HDAC9: variants seen among roughly 807,000 people sequenced by gnomAD.
HDAC9 encodes the protein MEF-2 interacting transcription repressor (MITR) protein.
Under a neutral mutation model 139.4 loss-of-function variants are expected in HDAC9, and 41 were observed. That is an observed-to-expected ratio of 0.29 (90% confidence interval 0.23 to 0.38). The LOEUF is 0.38. Among genes scored for constraint, HDAC9 ranks in the 10% least tolerant of loss-of-function variants. HDAC9 has a pLI of 1.00. For synonymous variants in HDAC9, 517 were observed against 476.2 expected, an observed-to-expected ratio of 1.09 and a Z score of -1.12; for missense variants, 1,147 against 1,297.0, an observed-to-expected ratio of 0.88 and a Z score of 1.78.
intron 21 of HDAC9, among the ~76,000 whole-genome samples, chr7:18,857,076 A>C (rs1238322208): frequency 6.6e-6 from 1 of 152,056 alleles, no homozygotes; most frequent in Non-Finnish European, 1.5e-5. Flanking sequence ...GTCATGTTTC[A>C]ACTTCATTTA....
chr7:18,905,940 CCT>C (rs1216285075), intron 22 of HDAC9, among the ~76,000 whole-genome samples: 2 of 144,660 alleles, frequency 1.4e-5, no homozygotes, highest in African/African-American at 2.6e-5. Flanking sequence ...TTTTCTTTCT[CCT>C]CTTTCTTTCC....
chr7:18,714,357 A>T (rs1784554405), intron 12 of HDAC9, among the ~76,000 whole-genome samples: 1 of 152,196 alleles, frequency 6.6e-6, no homozygotes, highest in African/African-American at 2.4e-5. Context: ...CTCAGGCCCA[A>T]ACTCCTGGAA....
chr7:18,976,342 A>G (rs1344550566), intron 25 of HDAC9, among the ~76,000 whole-genome samples: 1 of 152,142 alleles, frequency 6.6e-6, no homozygotes, highest in Admixed American at 6.5e-5. Flanking sequence ...GAAATTGCTG[A>G]TATAACAAAG....
intron 22 of HDAC9, among the ~76,000 whole-genome samples, chr7:18,905,529 TA>T (rs1563043603): frequency 6.6e-6 from 1 of 152,246 alleles, no homozygotes; most frequent in Admixed American, 6.5e-5. Context: ...TTAATAACTT[TA>T]TGTTAAAGAT....
chr7:18,107,620 C>T (rs560967523), intron 1 of HDAC9, among the ~76,000 whole-genome samples: 3 of 152,190 alleles, frequency 2.0e-5, no homozygotes, highest in Admixed American at 2.0e-4. Flanking sequence ...TTTTCTCAAC[C>T]TATACACCTG....
At chr7:18,573,155 T>C (rs933489559) in intron 2 of HDAC9, among the ~76,000 whole-genome samples, 1 of 152,236 alleles carries the variant, frequency 6.6e-6, no homozygotes, top group African/African-American at 2.4e-5. Context: ...TTCCTTTTCA[T>C]TTATGCCATG....
At chr7:18,237,676 AATG>A (rs1447171744) in intron 2 of HDAC9, among the ~76,000 whole-genome samples, 1 of 152,222 alleles carries the variant, frequency 6.6e-6, no homozygotes, top group Non-Finnish European at 1.5e-5. Context: ...TAATTGAGAG[AATG>A]ATGACATTAT....
chr7:18,454,435 G>A (rs1429930630), intron 1 of HDAC9, among the ~76,000 whole-genome samples: 1 of 151,934 alleles, frequency 6.6e-6, no homozygotes, highest in Non-Finnish European at 1.5e-5. Context: ...TCCTATGTAA[G>A]GCTACTGTGG....
chr7:18,221,070 C>T (rs1197957644), intron 2 of HDAC9, among the ~76,000 whole-genome samples: 5 of 150,974 alleles, frequency 3.3e-5, no homozygotes, highest in Non-Finnish European at 5.9e-5. Flanking sequence ...TATAATTCCA[C>T]AGTGACAATT....
intron 1 of HDAC9, among the ~76,000 whole-genome samples, chr7:18,406,775 A>G (rs1788050642): frequency 6.6e-6 from 1 of 152,036 alleles, no homozygotes; most frequent in Admixed American, 6.6e-5. Context: ...TGTATGAAAC[A>G]TCTCTCTTAT....
chr7:18,359,873 T>G (rs1783640131), intron 1 of HDAC9, among the ~76,000 whole-genome samples: 1 of 152,160 alleles, frequency 6.6e-6, no homozygotes. Context: ...CCTCCCAAAG[T>G]GCTGAGAATA....
At chr7:18,784,930 A>G (rs886887178) in intron 16 of HDAC9, among the ~76,000 whole-genome samples, 4 of 140,406 alleles carry the variant, frequency 2.8e-5, no homozygotes, top group Non-Finnish European at 3.1e-5. Context: ...GGCTTTTAAT[A>G]GGTAGCAATT....
intron 1 of HDAC9, among the ~76,000 whole-genome samples, chr7:18,365,870 A>G (rs1053392336): frequency 1.3e-5 from 2 of 151,974 alleles, no homozygotes; most frequent in African/African-American, 4.8e-5. Context: ...AATAGAGTTG[A>G]AGAGAAGATT....
intron 17 of HDAC9, among the ~76,000 whole-genome samples, chr7:18,811,769 T>C (rs929456678): frequency 6.6e-6 from 1 of 151,618 alleles, no homozygotes; most frequent in Non-Finnish European, 1.5e-5. Context: ...GTTTAAATGT[T>C]GGTATATGTT....
chr7:18,511,611 C>T (rs1451783527), intron 2 of HDAC9, among the ~76,000 whole-genome samples: 1 of 151,958 alleles, frequency 6.6e-6, no homozygotes, highest in Non-Finnish European at 1.5e-5. Flanking sequence ...AATAAATAAA[C>T]AAATAAAAGA....
intron 21 of HDAC9, among the ~76,000 whole-genome samples, chr7:18,848,764 C>A (rs1445546257): frequency 6.6e-6 from 1 of 151,310 alleles, no homozygotes; most frequent in Non-Finnish European, 1.5e-5. Flanking sequence ...CTTAAATTAC[C>A]AAAAAAAGTA....
rs75816242 is a variant in HDAC9, at chr7:18,315,002, A to G, written c.-42+24487A>G. ...AATGGTTCGCAGCAACGTGGTTGAA[A>G]AACCTTGGCAAGAGTACATGAACTA... On this transcript the variant is annotated intron_variant, in intron 1 of 3. Coordinates refer to the HDAC9 transcript ENST00000413509. Among the ~76,000 whole-genome samples, 1,476 of 152,282 alleles carry G rather than the reference A, an allele frequency of 9.7e-3. 19 individuals carry two copies. Among genetic ancestry groups the G allele is most frequent in the African/African-American group, 0.034 (1,398 of 41,570 alleles).
chr7:18,790,949 T>G (rs1442645698), intron 16 of HDAC9, among the ~76,000 whole-genome samples: 2 of 152,170 alleles, frequency 1.3e-5, no homozygotes, highest in Non-Finnish European at 2.9e-5. Flanking sequence ...TCAATGAATG[T>G]TAACTGAATT....
At chr7:18,791,181 C>G (rs1792276323) in intron 16 of HDAC9, among the ~76,000 whole-genome samples, 1 of 152,136 alleles carries the variant, frequency 6.6e-6, no homozygotes, top group Non-Finnish European at 1.5e-5. Context: ...AAATTTGCCA[C>G]TGCTTTAAGA....
Sources: gnomAD v4.1 joint callset for allele counts (sites outside exome capture counted in the v4.1 genomes callset) on GRCh38, gnomAD v4.1.1 for gene constraint, MANE v1.5 for transcripts, NCBI Gene and HGNC (gene_info 2026-07-23, HGNC 2026-07-21) for gene names.